The following BAG6 variants were observed in gnomAD, a reference collection of about 807,000 sequenced individuals.
BAG6 encodes the protein BAG cochaperone 6.
BAG6 carries 22 observed loss-of-function variants against 121.0 expected under a neutral mutation model. The ratio of observed to expected loss-of-function variants is 0.18; its 90% confidence interval spans 0.13 to 0.26. The LOEUF is 0.26. Ranked by LOEUF, BAG6 falls within the 10% of genes least tolerant of loss-of-function variation. The pLI, the probability that BAG6 is intolerant of heterozygous loss-of-function variation, is 1.00. For synonymous variants in BAG6, 583 were observed against 584.6 expected, an observed-to-expected ratio of 1.00 and a Z score of 0.04; for missense variants, 1,233 against 1,537.7, an observed-to-expected ratio of 0.80 and a Z score of 3.31.
chr6:31,640,598 T>TC lies in BAG6; in HGVS notation c.2994+46dup. On this transcript the variant is annotated intron_variant, in intron 22 of 25. Coordinates refer to ENST00000676615, the MANE Select transcript of BAG6 (RefSeq NM_001387994.1). The surrounding 1 kb of genome is among the most constrained non-coding windows in gnomAD (Gnocchi z 4.2). ...CCTCCAAACCTTTCTCCCCCAGCCC[T>TC]CCACTCCACATTATCTGGCCCCTCA... 6.2e-7 allele frequency: 1 copy of TC among 1,612,716 alleles called. No individual in the cohort carries two copies. The highest frequency in any genetic ancestry group is 1.1e-5 in the South Asian group (1 of 91,082).
intron 24 of BAG6, 24 bp from the exon 25 acceptor site, chr6:31,639,670 G>GA (rs764222954): frequency 1.9e-6 from 3 of 1,590,342 alleles, no homozygotes; most frequent in African/African-American, 1.3e-5. Flanking sequence ...GGTTGGGAGG[G>GA]AAAAGAGGAT....
intron 15 of BAG6, 172 bp downstream of exon 15, chr6:31,642,657 A>G (rs1020296478): frequency 1.2e-6 from 1 of 837,542 alleles, no homozygotes; most frequent in East Asian, 2.7e-5. Context: ...TCTAAACCTC[A>G]TTTTCTTCAT....
Position 31,644,708 on chromosome 6 carries a change from A to G in BAG6, c.1370-106T>C. 1 of 1,345,190 alleles carries G rather than the reference A, an allele frequency of 7.4e-7. No individual in the cohort carries two copies. The highest frequency in any genetic ancestry group is 1.1e-6 in the Non-Finnish European group (1 of 949,386). The allele number at this position is 1,345,190 out of a possible 1,614,324, so 83.3% of individuals were successfully genotyped here. A position where few individuals can be genotyped will look rare whatever the true frequency, so the allele number is the denominator to read the frequency against. ...TCAGGCCCATAATCCCCCAATCAGA[A>G]AGCCTGCCTTTCCCTCCATCTAAAC... On this transcript the variant is annotated intron_variant, in intron 10 of 25. Transcript: ENST00000676615. This position sits in a 1 kb window ranked among gnomAD's most constrained non-coding sequence, Gnocchi z 4.9.
chr6:31,639,756 G>A, intron 24 of BAG6, 110 bp from the exon 25 acceptor site: 1 of 1,288,824 alleles, frequency 7.8e-7, no homozygotes, highest in East Asian at 2.4e-5. Context: ...CCATGCTAGT[G>A]GAGAGAGGGG....
In BAG6 at chr6:31,640,920, C is replaced by G. The variant is rs1782086343; in HGVS notation, c.2806G>C (p.Val936Leu). Residue 936 changes from valine (V) to leucine (L), a missense_variant, in exon 21 of 26, where the codon GTG (valine) becomes CTG (leucine). By Grantham distance (32) the Val-to-Leu change is conservative. Around this residue, in one of 7 missense-constraint regions of BAG6, gnomAD observed 288 missense variants for 483.1 expected, o/e 0.60. Coordinates refer to ENST00000676615, the MANE Select transcript of BAG6 (RefSeq NM_001387994.1). This position sits in a 1 kb window ranked among gnomAD's most constrained non-coding sequence, Gnocchi z 4.2. Reference sequence around the variant, plus strand: ...AGCCAGCTCACCAAGGAGGGATTCACCCCACGAGACATACGACGCTGAGGG... The same window carrying G: ...AGCCAGCTCACCAAGGAGGGATTCAGCCCACGAGACATACGACGCTGAGGG... ...NGRIRRMSRG[V>L]NPSLVSWLTT... 1.9e-6 allele frequency: 3 copies of G among 1,612,616 alleles called. No individual in the cohort carries two copies. The highest frequency in any genetic ancestry group is 2.7e-5 in the African/African-American group (2 of 74,888).
Position 31,644,592 on chromosome 6 carries a change from T to C in BAG6, c.1380A>G (p.Thr460=). 6.2e-7 allele frequency: 1 copy of C among 1,612,670 alleles called. No individual in the cohort carries two copies. ...GAGCACTCGGAACACCACCAGGCTG[T>C]GTGCCAGAATCTGGGCAGGGAGACA... ...MMHMNIQDSG[T]QPGGVPSAPT... is the part of the protein sequence containing the mutation. The change falls in exon 11 of 26, where the codon ACA becomes ACG. Residue 460 remains threonine (T), a synonymous_variant. Coordinates refer to ENST00000676615, the MANE Select transcript of BAG6 (RefSeq NM_001387994.1). The surrounding 1 kb of genome is among the most constrained non-coding windows in gnomAD (Gnocchi z 4.9).
chr6:31,642,745 T>G, intron 15 of BAG6, 84 bp downstream of exon 15: 1 of 1,488,238 alleles, frequency 6.7e-7, no homozygotes, highest in African/African-American at 1.4e-5. Flanking sequence ...TCTTACCCAG[T>G]GGTTATATAA....
In BAG6 at chr6:31,643,948, C is replaced by T. The variant is rs778134226; in HGVS notation, c.1698G>A (p.Ser566=). The T allele has an allele frequency of 1.1e-5, 18 of 1,613,824 alleles. No individual in the cohort carries two copies. The highest frequency in any genetic ancestry group is 8.8e-5 in the South Asian group (8 of 91,090). ...CAAGGCCGCTCACCATCTGGGCCAACGAGGCATTGGTACCCAGACCGGCGC... is the reference window on the plus strand; with the variant it reads ...CAAGGCCGCTCACCATCTGGGCCAATGAGGCATTGGTACCCAGACCGGCGC... ...LQGAGLGTNA[S]LAQMVSGLVG... Residue 566 remains serine (S), a synonymous_variant, in exon 14 of 26, where the codon TCG becomes TCA. Coordinates refer to ENST00000676615, the MANE Select transcript of BAG6 (RefSeq NM_001387994.1).
Position 31,645,580 on chromosome 6 carries a change from G to A in BAG6, c.943C>T (p.Arg315Trp), listed in dbSNP as rs771941604. The A allele has an allele frequency of 4.3e-6, 7 of 1,613,114 alleles. No homozygotes were observed. The highest frequency in any genetic ancestry group is 2.2e-5 in the East Asian group (1 of 44,892). ...CTCTCCCCTACCAAGTTGATCAACCGCTGATCCTCCTCCCGGCCCTCGTGC... is the reference window on the plus strand; with the variant it reads ...CTCTCCCCTACCAAGTTGATCAACCACTGATCCTCCTCCCGGCCCTCGTGC... ...NNHEGREEDQRLINLVGESLR... is the reference protein window; with the variant it reads ...NNHEGREEDQWLINLVGESLR... Residue 315 changes from arginine (R) to tryptophan (W), a missense_variant, in exon 9 of 26, where the codon CGG becomes TGG. By Grantham distance (101) the Arg-to-Trp change is moderately radical. Around this residue, in one of 7 missense-constraint regions of BAG6, gnomAD observed 777 missense variants for 861.4 expected, o/e 0.90. Coordinates refer to ENST00000676615, the MANE Select transcript of BAG6 (RefSeq NM_001387994.1).
intron 1 of BAG6, 65 bp downstream of exon 1, chr6:31,652,359 A>ACCCACCCC: frequency 7.3e-6 from 1 of 137,198 alleles, no homozygotes; most frequent in South Asian, 2.3e-4. Flanking sequence ...ACACACACAC[A>ACCCACCCC]CCCACCACCC....
chr6:31,647,843 G>A lies in BAG6; in HGVS notation c.553-17C>T. The stretch of plus-strand genomic sequence containing the variant: ...TCCTCGACACTGAAGGTAGGGGAGA[G>A]TCAGGATACCAAAGGCAGGGTAAGA... On this transcript the variant is annotated splice_polypyrimidine_tract_variant and intron_variant, in intron 6 of 25. Coordinates refer to ENST00000676615, the MANE Select transcript of BAG6 (RefSeq NM_001387994.1). 6.6e-7 allele frequency: 1 copy of A among 1,521,542 alleles called. No homozygotes were observed. Among genetic ancestry groups the A allele is most frequent in the Non-Finnish European group, 8.8e-7 (1 of 1,138,884 alleles). The allele number at this position is 1,521,542 out of a possible 1,614,324, so 94.3% of individuals were successfully genotyped here. A position where few individuals can be genotyped will look rare whatever the true frequency, so the allele number is the denominator to read the frequency against.
At chr6:31,648,840 C>A in intron 5 of BAG6, 71 bp downstream of exon 5, 1 of 1,585,350 alleles carries the variant, frequency 6.3e-7, no homozygotes, top group African/African-American at 1.3e-5. Flanking sequence ...CATCTCTCAG[C>A]CAGGTCCACC....
At chr6:31,642,436 G>A (rs1583321355) in intron 15 of BAG6, 33 bp from the exon 16 acceptor site, 1 of 969,748 alleles carries the variant, frequency 1.0e-6, no homozygotes, top group South Asian at 1.5e-5. Flanking sequence ...AGAACAGAAA[G>A]TGAGGTGAGA....
Position 31,648,952 on chromosome 6 carries a change from C to A in BAG6, c.436G>T (p.Ala146Ser). Residue 146 changes from alanine (A) to serine (S), a missense_variant, in exon 5 of 26, where the codon GCT becomes TCT. By Grantham distance (99) the Ala-to-Ser change is moderately conservative. Coordinates refer to ENST00000676615, the MANE Select transcript of BAG6 (RefSeq NM_001387994.1). Reference protein sequence around the residue: ...GTFNLPSDGSAVDVHINMEQA... With the variant: ...GTFNLPSDGSSVDVHINMEQA... ...TCCATGTTGATGTGAACATCCACAGCAGAGCCGTCACTCTGGGGAAAGGGT... is the reference window on the plus strand; with the variant it reads ...TCCATGTTGATGTGAACATCCACAGAAGAGCCGTCACTCTGGGGAAAGGGT... The A allele has an allele frequency of 6.5e-7, 1 of 1,528,206 alleles. No homozygotes were observed. Among genetic ancestry groups the A allele is most frequent in the Non-Finnish European group, 8.8e-7 (1 of 1,141,024 alleles). 94.7% of individuals were successfully genotyped at this position (1,528,206 alleles called of 1,614,324 possible).
chr6:31,651,749 A>C lies in BAG6; in HGVS notation c.15T>G (p.Asp5Glu), dbSNP rs764771646. The C allele has an allele frequency of 1.2e-6, 2 of 1,613,026 alleles. No individual in the cohort carries two copies. Among genetic ancestry groups the C allele is most frequent in the Non-Finnish European group, 1.7e-6 (2 of 1,179,994 alleles). Residue 5 changes from aspartate (D) to glutamate (E), a missense_variant, in exon 2 of 26, where the codon GAT becomes GAG. Asp to Glu is a conservative substitution (Grantham distance 45, BLOSUM62 2). Around this residue, in one of 7 missense-constraint regions of BAG6, gnomAD observed 25 missense variants for 16.5 expected, o/e 1.52. Transcript: ENST00000676615. MEPN[D>E]STSTAVEEPD... ...GCTCCTCCACAGCGGTACTGGTACT[A>C]TCATTAGGCTCCATGGCCGACAGGT...
chr6:31,646,902 T>C (rs1680505376), intron 7 of BAG6, among the ~76,000 whole-genome samples: 1 of 149,798 alleles, frequency 6.7e-6, no homozygotes, highest in South Asian at 2.1e-4. Context: ...GCCTCCCGAG[T>C]AGCTGGGACT....
At position 31,643,721 on chromosome 6, in the gene BAG6, CAAAAAAAAA is replaced by C. The variant is rs9281540; in HGVS notation, c.1756+160_1756+168del. Among the ~76,000 whole-genome samples the C allele has an allele frequency of 1.5e-3, 97 of 66,256 alleles. 2 individuals are homozygous for C. Among genetic ancestry groups the C allele is most frequent in the Middle Eastern group, 8.2e-3 (1 of 122 alleles). 43.5% of individuals were successfully genotyped at this position (66,256 alleles called of 152,430 possible). On this transcript the variant is annotated intron_variant, in intron 14 of 25. Transcript: ENST00000676615. Reference sequence around the variant, plus strand: ...CTAGCAACAGAGTGAGACTCCATCTCAAAAAAAAAAAAAAAAAAAAAAAAAGCTGAAACC... The same window carrying C: ...CTAGCAACAGAGTGAGACTCCATCTCAAAAAAAAAAAAAAAAGCTGAAACC...
Position 31,640,546 on chromosome 6 carries a change from GGAA to G in BAG6, c.2995-21_2995-19del. The G allele has an allele frequency of 6.2e-6, 10 of 1,612,736 alleles. No individual in the cohort carries two copies. Among genetic ancestry groups the G allele is most frequent in the Non-Finnish European group, 7.6e-6 (9 of 1,179,826 alleles). ...TTCTCCCGCTGGGTGTCAGATGGCG[GGAA>G]GAGCCAGGCTTCAGAATTTTTAGCC... On this transcript the variant is annotated intron_variant, in intron 22 of 25. Coordinates refer to ENST00000676615, the MANE Select transcript of BAG6 (RefSeq NM_001387994.1). This position sits in a 1 kb window ranked among gnomAD's most constrained non-coding sequence, Gnocchi z 4.2.
chr6:31,643,834 A>C, intron 14 of BAG6, 56 bp downstream of exon 14: 1 of 1,562,878 alleles, frequency 6.4e-7, no homozygotes. Flanking sequence ...GGAAAGTGCC[A>C]GTGAGCAGAC....
Sources: gnomAD v4.1 joint callset for allele counts (sites outside exome capture counted in the v4.1 genomes callset) on GRCh38, gnomAD v4.1.1 for gene constraint, gnomAD v4.1.1 regional missense constraint, Gnocchi (gnomAD v3.1) non-coding constraint, MANE v1.5 for transcripts, NCBI Gene and HGNC (gene_info 2026-07-23, HGNC 2026-07-21) for gene names.